Variants in TBC1D5 observed in about 807,000 individuals in gnomAD.
TBC1D5 encodes the protein TBC1 domain family, member 5.
A neutral mutation model predicts 100.3 loss-of-function variants in TBC1D5; 75 were observed. The ratio of observed to expected loss-of-function variants is 0.75; its 90% CI spans 0.62 to 0.91. TBC1D5 has a LOEUF of 0.91. TBC1D5 is among the 40% of genes least tolerant of loss of function. The probability of loss-of-function intolerance (pLI) is 0.00; values close to 1 mark genes in which losing one functional copy is unlikely to be tolerated. For synonymous variants in TBC1D5, 323 were observed against 325.6 expected (o/e 0.99, Z 0.09); for missense variants, 910 against 942.4 (o/e 0.97, Z 0.45).
intron 3 of TBC1D5, among the ~76,000 whole-genome samples, chr3:17,473,737 G>A (rs995718966): frequency 6.6e-6 from 1 of 152,124 alleles, no homozygotes; most frequent in East Asian, 1.9e-4. Flanking sequence ...AGATCATGTG[G>A]CTTTTTAATT....
chr3:17,453,014 A>G (rs186149774), intron 3 of TBC1D5, among the ~76,000 whole-genome samples: 33 of 152,126 alleles, frequency 2.2e-4, no homozygotes, highest in African/African-American at 7.5e-4. Flanking sequence ...GGAATTTTCA[A>G]AACTATGCAA....
At chr3:17,662,795 G>GT (rs888810796) in intron 1 of TBC1D5, among the ~76,000 whole-genome samples, 83 of 151,616 alleles carry the variant, frequency 5.5e-4, no homozygotes, top group African/African-American at 1.7e-3. Context: ...AATTTAGTGA[G>GT]TTTTTTTTTA....
At chr3:17,435,458 T>C (rs1167945024) in intron 3 of TBC1D5, among the ~76,000 whole-genome samples, 1 of 152,122 alleles carries the variant, frequency 6.6e-6, no homozygotes, top group African/African-American at 2.4e-5. Context: ...GGGAAGCAAA[T>C]ATGTCCTTCT....
At chr3:17,507,461 A>C (rs1283910187) in intron 3 of TBC1D5, among the ~76,000 whole-genome samples, 1 of 152,200 alleles carries the variant, frequency 6.6e-6, no homozygotes, top group Non-Finnish European at 1.5e-5. Context: ...ATGCACAAAA[A>C]GCATAAAAAT....
chr3:17,387,626 C>G (rs1383609758), intron 8 of TBC1D5, among the ~76,000 whole-genome samples: 2 of 151,748 alleles, frequency 1.3e-5, no homozygotes, highest in African/African-American at 2.4e-5. Flanking sequence ...TTCAAAATAG[C>G]TTCCCTACCA....
At chr3:17,411,093 C>A (rs2093910925) in intron 4 of TBC1D5, among the ~76,000 whole-genome samples, 1 of 151,952 alleles carries the variant, frequency 6.6e-6, no homozygotes, top group Non-Finnish European at 1.5e-5. Context: ...CCACAGTTAC[C>A]CCCAACCTTC....
chr3:17,211,625 G>A (rs1362689990), intron 18 of TBC1D5, among the ~76,000 whole-genome samples: 1 of 152,210 alleles, frequency 6.6e-6, no homozygotes, highest in African/African-American at 2.4e-5. Flanking sequence ...TGTAAGTCAA[G>A]CTGCTTCTTT....
chr3:17,347,874 A>G (rs1044603460), intron 13 of TBC1D5, among the ~76,000 whole-genome samples: 2 of 152,140 alleles, frequency 1.3e-5, no homozygotes, highest in African/African-American at 2.4e-5. Context: ...GTGGAGACAC[A>G]TCCCTGTAAT....
chr3:17,616,586 T>C (rs974434059), intron 2 of TBC1D5, among the ~76,000 whole-genome samples: 3 of 152,186 alleles, frequency 2.0e-5, no homozygotes, highest in Admixed American at 6.5e-5. Context: ...ATTGGGTGCA[T>C]ATATATTTAG....
At chr3:17,690,843 G>T (rs936096275) in intron 1 of TBC1D5, among the ~76,000 whole-genome samples, 1 of 152,184 alleles carries the variant, frequency 6.6e-6, no homozygotes, top group East Asian at 1.9e-4. Context: ...TGCCAAAAAG[G>T]GGGGACTGCT....
chr3:17,255,556 T>C (rs2077566246), intron 16 of TBC1D5, among the ~76,000 whole-genome samples: 1 of 152,142 alleles, frequency 6.6e-6, no homozygotes, highest in Non-Finnish European at 1.5e-5. Flanking sequence ...TGATATTATA[T>C]TTTGCCAGTT....
chr3:17,294,534 T>C (rs755498053), intron 14 of TBC1D5, among the ~76,000 whole-genome samples: 8 of 152,242 alleles, frequency 5.3e-5, no homozygotes, highest in Non-Finnish European at 1.0e-4. Flanking sequence ...GTTAAAACTA[T>C]TGAAGCTATC....
chr3:17,453,403 C>T (rs2094975269), intron 3 of TBC1D5, among the ~76,000 whole-genome samples: 2 of 151,380 alleles, frequency 1.3e-5, no homozygotes, highest in South Asian at 4.2e-4. Context: ...AATTGACAAA[C>T]CTTTAGCCAT....
In TBC1D5 at chr3:17,499,255, G is replaced by GT. The variant is rs554285495; in HGVS notation, c.97+9218dup. Among the ~76,000 whole-genome samples, 15 of 152,248 alleles carry GT rather than the reference G, an allele frequency of 9.9e-5. No homozygotes were observed. In the East Asian group the frequency reaches 1.9e-3, roughly 20 times the overall value. ...GTTGGGGAGGTGGAGGATTATACTT[G>GT]TAAGGGCCTAGTTATTCATTTCACT... On this transcript the variant is annotated intron_variant, in intron 3 of 21. Coordinates refer to ENST00000253692, the Ensembl canonical transcript of TBC1D5.
At chr3:17,487,425 G>T (rs1447340876) in intron 3 of TBC1D5, among the ~76,000 whole-genome samples, 1 of 152,052 alleles carries the variant, frequency 6.6e-6, no homozygotes, top group Non-Finnish European at 1.5e-5. Flanking sequence ...TTTTTGAAAA[G>T]CACTTTGCTC....
At chr3:17,348,309 T>C (rs1370984848) in intron 13 of TBC1D5, among the ~76,000 whole-genome samples, 2 of 152,204 alleles carry the variant, frequency 1.3e-5, no homozygotes, top group African/African-American at 2.4e-5. Flanking sequence ...CCAAATCCAC[T>C]GCCTGCTAAT....
chr3:17,374,892 C>CATA (rs1372172554), intron 10 of TBC1D5, among the ~76,000 whole-genome samples: 1 of 152,054 alleles, frequency 6.6e-6, no homozygotes, highest in African/African-American at 2.4e-5. Flanking sequence ...TGCCTCTATG[C>CATA]GACATGAACT....
intron 17 of TBC1D5, among the ~76,000 whole-genome samples, chr3:17,225,346 C>T (rs1018132420): frequency 2.0e-5 from 3 of 147,014 alleles, no homozygotes; most frequent in South Asian, 2.1e-4. Flanking sequence ...GGCTGAGGCA[C>T]GAGAATCACT....
chr3:17,230,020 T>C (rs1045961114), intron 17 of TBC1D5, among the ~76,000 whole-genome samples: 2 of 152,234 alleles, frequency 1.3e-5, no homozygotes, highest in African/African-American at 4.8e-5. Flanking sequence ...TATATTTCTC[T>C]GCCTTAAAAT....
Sources: allele counts gnomAD v4.1 joint callset (sites outside exome capture counted in the v4.1 genomes callset), GRCh38; gene constraint gnomAD v4.1.1; transcripts MANE v1.5; gene names NCBI Gene and HGNC (gene_info 2026-07-23, HGNC 2026-07-21).